Variants in CDH4 observed in about 807,000 individuals in gnomAD.
CDH4 encodes cadherin 4.
A neutral mutation model predicts 86.0 loss-of-function variants in CDH4; 33 were observed. The observed-to-expected ratio is 0.38, with a 90% CI of 0.29 to 0.51. CDH4 has a LOEUF of 0.51. Among genes scored for constraint, CDH4 ranks in the 20% least tolerant of loss-of-function variants. The probability of loss-of-function intolerance (pLI) is 0.86; values close to 1 mark genes in which losing one functional copy is unlikely to be tolerated. For missense variants in CDH4, 1,114 were observed against 1,307.4 expected, an observed-to-expected ratio of 0.85 and a Z score of 2.28; for synonymous variants, 555 against 549.4, an observed-to-expected ratio of 1.01 and a Z score of -0.14.
rs551107858 is a variant in CDH4 at position 61,891,316 on chromosome 20, A to G, written c.1051-3594A>G. Among the ~76,000 whole-genome samples the G allele has an allele frequency of 1.2e-4, 18 of 152,310 alleles. No individual in the cohort carries two copies. The South Asian group carries it at 1.7e-3, about 14-fold the overall frequency. On this transcript the variant is annotated intron_variant, in intron 7 of 15. Transcript: ENST00000614565. The stretch of plus-strand genomic sequence containing the variant: ...GTCCCATTTTACAGAGGGGGCTGCC[A>G]AATACAGGAGGCCAAGGTTGCTGAC...
chr20:61,606,407 C>T (rs916837249), intron 2 of CDH4, among the ~76,000 whole-genome samples: 3 of 152,212 alleles, frequency 2.0e-5, no homozygotes, highest in Non-Finnish European at 4.4e-5. Flanking sequence ...CACAGCAGGT[C>T]AAGTGGGGGA....
intron 5 of CDH4, among the ~76,000 whole-genome samples, chr20:61,846,985 CAGG>C (rs1239145272): frequency 6.6e-6 from 1 of 152,212 alleles, no homozygotes; most frequent in Non-Finnish European, 1.5e-5. Flanking sequence ...GTGCCTGTTG[CAGG>C]AGGACTCAGG....
intron 2 of CDH4, among the ~76,000 whole-genome samples, chr20:61,521,843 T>C (rs1600727345): frequency 6.6e-6 from 1 of 152,224 alleles, no homozygotes; most frequent in South Asian, 2.1e-4. Context: ...CAACAGGCAG[T>C]GCAACGGCCG....
chr20:61,693,262 G>C (rs986514825), intron 2 of CDH4, among the ~76,000 whole-genome samples: 5 of 150,718 alleles, frequency 3.3e-5, no homozygotes, highest in Non-Finnish European at 5.9e-5. Flanking sequence ...GGGCCACGTC[G>C]GGCCTGTTCC....
chr20:61,421,735 G>A (rs999367095), intron 2 of CDH4, among the ~76,000 whole-genome samples: 13 of 152,212 alleles, frequency 8.5e-5, no homozygotes, highest in Non-Finnish European at 1.3e-4. Context: ...TTCTGGTGCC[G>A]GGATGTGAGG....
intron 2 of CDH4, among the ~76,000 whole-genome samples, chr20:61,515,523 G>A (rs1051059702): frequency 6.6e-6 from 1 of 152,210 alleles, no homozygotes; most frequent in Non-Finnish European, 1.5e-5. Flanking sequence ...TGCTACAAAA[G>A]CTGCCTGTTG....
intron 2 of CDH4, among the ~76,000 whole-genome samples, chr20:61,616,314 C>T (rs529112798): frequency 3.3e-4 from 51 of 152,294 alleles, no homozygotes; most frequent in Non-Finnish European, 6.9e-4. Context: ...GTGGAGGTGC[C>T]CATCAGGGTT....
chr20:61,633,829 G>C (rs2086919986), intron 2 of CDH4, among the ~76,000 whole-genome samples: 1 of 152,172 alleles, frequency 6.6e-6, no homozygotes. Flanking sequence ...AATGTGCACT[G>C]AGTGCCATCT....
intron 2 of CDH4, among the ~76,000 whole-genome samples, chr20:61,465,763 T>C (rs2085468443): frequency 6.6e-6 from 1 of 152,334 alleles, no homozygotes; most frequent in South Asian, 2.1e-4. Flanking sequence ...CAAAGGTTGC[T>C]TTCAATTTTG....
chr20:61,457,622 G>A (rs2085415249), intron 2 of CDH4, among the ~76,000 whole-genome samples: 1 of 152,166 alleles, frequency 6.6e-6, no homozygotes, highest in African/African-American at 2.4e-5. Context: ...TGACAGTGCT[G>A]GCACTGGTGG....
intron 2 of CDH4, among the ~76,000 whole-genome samples, chr20:61,565,100 G>GGTGGTGGTGGTGGTGGTGGTGGTC (rs1337020404): frequency 8.6e-6 from 1 of 116,868 alleles, no homozygotes; most frequent in Non-Finnish European, 1.9e-5. Context: ...TCTTGGTGGT[G>GGTGGTGGTGGTGGTGGTGGTGGTC]CTCTTGGTGG....
At chr20:61,918,605 G>C (rs2054931257) in intron 9 of CDH4, among the ~76,000 whole-genome samples, 1 of 152,158 alleles carries the variant, frequency 6.6e-6, no homozygotes, top group Non-Finnish European at 1.5e-5. Flanking sequence ...AGGGAGGCTA[G>C]CAGGGACCAC....
chr20:61,281,780 T>A (rs137949854), intron 2 of CDH4, among the ~76,000 whole-genome samples: 62 of 152,338 alleles, frequency 4.1e-4, no homozygotes, highest in East Asian at 1.9e-3. Flanking sequence ...ACCCCATCCC[T>A]GTGCTTTCAT....
chr20:61,799,411 C>A (rs927359175), intron 4 of CDH4, among the ~76,000 whole-genome samples: 2 of 152,226 alleles, frequency 1.3e-5, no homozygotes, highest in South Asian at 2.1e-4. Flanking sequence ...TGTTTTGAGG[C>A]CTCAATTCCC....
intron 2 of CDH4, among the ~76,000 whole-genome samples, chr20:61,555,093 C>T (rs890505442): frequency 6.6e-6 from 1 of 152,134 alleles, no homozygotes; most frequent in Non-Finnish European, 1.5e-5. Context: ...GAGTGCTCTT[C>T]CAGTATGAGC....
chr20:61,536,200 T>C (rs994483185), intron 2 of CDH4, among the ~76,000 whole-genome samples: 7 of 152,292 alleles, frequency 4.6e-5, no homozygotes, highest in African/African-American at 1.4e-4. Flanking sequence ...CTCCCTCGTG[T>C]GTTCCACGGG....
chr20:61,562,389 C>A (rs913445665), intron 2 of CDH4, among the ~76,000 whole-genome samples: 1 of 148,304 alleles, frequency 6.7e-6, no homozygotes, highest in Non-Finnish European at 1.5e-5. Flanking sequence ...CCCCAGGGCT[C>A]CCGGAGAGAG....
intron 7 of CDH4, among the ~76,000 whole-genome samples, chr20:61,875,111 G>C (rs1365589110): frequency 6.6e-6 from 1 of 152,194 alleles, no homozygotes; most frequent in Non-Finnish European, 1.5e-5. Context: ...GTTTGGGGCT[G>C]TGGGACCCCC....
chr20:61,573,066 A>ATGG (rs1281914890), intron 2 of CDH4, among the ~76,000 whole-genome samples: 1 of 151,454 alleles, frequency 6.6e-6, no homozygotes, highest in Non-Finnish European at 1.5e-5. Context: ...GGATGGATGG[A>ATGG]TGGATAGATG....
Sources: allele counts gnomAD v4.1 joint callset (sites outside exome capture counted in the v4.1 genomes callset), GRCh38; gene constraint gnomAD v4.1.1; transcripts MANE v1.5; gene names NCBI Gene and HGNC (gene_info 2026-07-23, HGNC 2026-07-21).